The following SRGAP3 variants were observed in gnomAD, a reference collection of about 807,000 sequenced individuals.
SRGAP3 encodes the protein SLIT-ROBO Rho GTPase-activating protein 3.
SRGAP3 carries 39 observed loss-of-function variants against 121.1 expected under a neutral mutation model. The observed-to-expected ratio is 0.32, with a 90% confidence interval of 0.25 to 0.42. The LOEUF is 0.42. Among genes scored for constraint, SRGAP3 ranks in the 10% least tolerant of loss-of-function variants. SRGAP3 has a pLI of 1.00. For missense variants in SRGAP3, 1,213 were observed against 1,470.6 expected (o/e 0.82, Z 2.86); for synonymous variants, 601 against 570.0 (o/e 1.05, Z -0.77).
intron 1 of SRGAP3, among the ~76,000 whole-genome samples, chr3:9,126,995 G>A (rs1212549136): frequency 6.6e-6 from 1 of 152,076 alleles, no homozygotes; most frequent in East Asian, 1.9e-4. Flanking sequence ...GTTGATATTT[G>A]GAAATCTTCC....
chr3:9,102,372 C>T (rs1381914243), intron 3 of SRGAP3, among the ~76,000 whole-genome samples: 2 of 152,156 alleles, frequency 1.3e-5, no homozygotes, highest in East Asian at 3.8e-4. Context: ...AAAGCCCAGC[C>T]ACTCCGCCTC....
intron 3 of SRGAP3, among the ~76,000 whole-genome samples, chr3:9,279,300 C>T (rs1310696252): frequency 6.6e-6 from 1 of 152,042 alleles, no homozygotes; most frequent in African/African-American, 2.4e-5. Context: ...TGGGGCAGAT[C>T]CCCAAAACAC....
chr3:9,042,492 G>A (rs907021902), intron 10 of SRGAP3, among the ~76,000 whole-genome samples: 1 of 151,240 alleles, frequency 6.6e-6, no homozygotes, highest in Non-Finnish European at 1.5e-5. Flanking sequence ...GAGAGGAAGA[G>A]AGTAATCTGG....
At chr3:9,226,671 G>C (rs544063538) in intron 1 of SRGAP3, among the ~76,000 whole-genome samples, 1 of 152,290 alleles carries the variant, frequency 6.6e-6, no homozygotes, top group Admixed American at 6.5e-5. Flanking sequence ...CCAGTCTACA[G>C]ACTGGTTTTC....
intron 1 of SRGAP3, among the ~76,000 whole-genome samples, chr3:9,164,276 T>TTTTATTTATTTATTTATTTATTTA (rs111936459): frequency 0.012 from 1,620 of 140,824 alleles, 23 homozygotes; most frequent in South Asian, 0.019. Context: ...ACCCAGACTA[T>TTTTATTTATTTATTTATTTATTTA]TTTATTTATT....
At chr3:9,010,219 A>C in intron 18 of SRGAP3, 89 bp downstream of exon 18, 1 of 1,461,500 alleles carries the variant, frequency 6.8e-7, no homozygotes, top group Non-Finnish European at 9.6e-7. Flanking sequence ...GAAGAGGTCT[A>C]TGTGGGCCAG....
At chr3:9,219,262 C>T (rs910358236) in intron 1 of SRGAP3, 1 of 152,102 alleles carries the variant, frequency 6.6e-6, no homozygotes, top group Admixed American at 6.5e-5. Flanking sequence ...CAAGACTTTC[C>T]AACAATGCAA....
intron 3 of SRGAP3, among the ~76,000 whole-genome samples, chr3:9,290,310 CT>C (rs1954850210): frequency 6.6e-6 from 1 of 152,162 alleles, no homozygotes; most frequent in Non-Finnish European, 1.5e-5. Context: ...GTCAAGGTAT[CT>C]TTTCTGCCAT....
chr3:9,230,938 C>T (rs1162856307), intron 1 of SRGAP3, among the ~76,000 whole-genome samples: 5 of 152,006 alleles, frequency 3.3e-5, no homozygotes, highest in Admixed American at 6.5e-5. Flanking sequence ...AAGCTGAGAT[C>T]GGTCCCCTGT....
chr3:9,116,765 C>A (rs1948820684), intron 2 of SRGAP3, among the ~76,000 whole-genome samples: 1 of 152,222 alleles, frequency 6.6e-6, no homozygotes, highest in Admixed American at 6.5e-5. Context: ...ATTTTGGAGT[C>A]AGGTAAACAA....
At chr3:9,163,657 G>A (rs898260817) in intron 1 of SRGAP3, among the ~76,000 whole-genome samples, 2 of 152,186 alleles carry the variant, frequency 1.3e-5, no homozygotes, top group African/African-American at 2.4e-5. Flanking sequence ...TGTTGGGATC[G>A]GCCTGGCCTG....
chr3:9,302,638 T>C (rs1955081563), intron 3 of SRGAP3, among the ~76,000 whole-genome samples: 2 of 152,150 alleles, frequency 1.3e-5, no homozygotes, highest in African/African-American at 4.8e-5. Flanking sequence ...CCCTCTAAAA[T>C]GAGAGCTTAG....
chr3:9,283,843 A>G (rs1410307306), intron 3 of SRGAP3, among the ~76,000 whole-genome samples: 1 of 152,212 alleles, frequency 6.6e-6, no homozygotes, highest in African/African-American at 2.4e-5. Context: ...TTCTTAAGGA[A>G]TTTTGAAATG....
chr3:9,221,103 CT>C (rs952424197), intron 1 of SRGAP3, among the ~76,000 whole-genome samples: 6 of 150,974 alleles, frequency 4.0e-5, no homozygotes, highest in African/African-American at 1.5e-4. Flanking sequence ...AGCTGAGGGT[CT>C]TTCCCCAGCA....
chr3:9,342,484 C>A (rs1489679948), intron 1 of SRGAP3, among the ~76,000 whole-genome samples: 5 of 152,218 alleles, frequency 3.3e-5, no homozygotes, highest in Non-Finnish European at 7.3e-5. Context: ...CCAAGTGTCA[C>A]CGGAACTTTT....
chr3:9,223,588 T>C (rs373881793), intron 1 of SRGAP3, among the ~76,000 whole-genome samples: 12 of 152,284 alleles, frequency 7.9e-5, no homozygotes, highest in Admixed American at 5.2e-4. Context: ...TCAGTCCAAC[T>C]CCACCTGCAT....
At chr3:9,176,722 T>TG (rs1451033328) in intron 1 of SRGAP3, among the ~76,000 whole-genome samples, 2 of 151,708 alleles carry the variant, frequency 1.3e-5, no homozygotes, top group Non-Finnish European at 2.9e-5. Flanking sequence ...CAGAAGCAAG[T>TG]GGGGGGCGGG....
chr3:9,087,462 G>A (rs1947553025), intron 3 of SRGAP3, among the ~76,000 whole-genome samples: 1 of 152,134 alleles, frequency 6.6e-6, no homozygotes, highest in Admixed American at 6.6e-5. Flanking sequence ...ACAATTCTAA[G>A]GCAGGAGGCG....
intron 3 of SRGAP3, among the ~76,000 whole-genome samples, chr3:9,323,523 G>A (rs1323460831): frequency 4.0e-5 from 6 of 151,624 alleles, no homozygotes; most frequent in African/African-American, 7.2e-5. Flanking sequence ...AGAACATCTC[G>A]AAGGCCTAGA....
Sources: allele counts gnomAD v4.1 joint callset (sites outside exome capture counted in the v4.1 genomes callset), GRCh38; gene constraint gnomAD v4.1.1; transcripts MANE v1.5; gene names NCBI Gene and HGNC (gene_info 2026-07-23, HGNC 2026-07-21).